The following ITGBL1 variants were observed in gnomAD, a reference collection of about 807,000 sequenced individuals.
ITGBL1 encodes integrin subunit beta like 1.
In ITGBL1, 51 loss-of-function variants were observed where a neutral mutation model predicts 68.5. The observed-to-expected ratio is 0.74, with a 90% confidence interval of 0.59 to 0.94. The LOEUF is 0.94. Among genes scored for constraint, ITGBL1 ranks in the 40% least tolerant of loss-of-function variants. ITGBL1 has a pLI of 0.00. For synonymous variants in ITGBL1, 209 were observed against 227.3 expected, an observed-to-expected ratio of 0.92 and a Z score of 0.72; for missense variants, 649 against 647.4, an observed-to-expected ratio of 1.00 and a Z score of -0.03.
chr13:101,564,081 T>G (rs943159140), intron 2 of ITGBL1, among the ~76,000 whole-genome samples: 2 of 151,980 alleles, frequency 1.3e-5, no homozygotes, highest in African/African-American at 4.8e-5. Flanking sequence ...CTTTTATCTA[T>G]AGATTCAATG....
At chr13:101,480,870 A>G (rs4772389) in intron 2 of ITGBL1, among the ~76,000 whole-genome samples, 29,482 of 151,776 alleles carry the variant, frequency 0.19, 3,441 homozygotes, top group East Asian at 0.43. Flanking sequence ...TCAAACAAGC[A>G]AAATTTTAAG....
intron 2 of ITGBL1, among the ~76,000 whole-genome samples, chr13:101,521,364 G>A (rs888826969): frequency 1.3e-5 from 2 of 152,132 alleles, no homozygotes; most frequent in Middle Eastern, 3.2e-3. Context: ...AAATAAAGTA[G>A]GTTAGATGGT....
chr13:101,611,299 A>G (rs1330095313), intron 7 of ITGBL1, among the ~76,000 whole-genome samples: 1 of 152,178 alleles, frequency 6.6e-6, no homozygotes, highest in Non-Finnish European at 1.5e-5. Context: ...ATTTAACTGA[A>G]TTTAGCGAGA....
intron 5 of ITGBL1, 26 bp downstream of exon 5, chr13:101,579,453 A>G (rs199893442): frequency 2.5e-6 from 4 of 1,605,814 alleles, no homozygotes; most frequent in Admixed American, 3.4e-5. Context: ...ATGTTACTAC[A>G]TAATGGGGAG....
intron 2 of ITGBL1, among the ~76,000 whole-genome samples, chr13:101,533,110 T>C (rs1314893167): frequency 1.3e-5 from 2 of 152,108 alleles, no homozygotes; most frequent in Non-Finnish European, 2.9e-5. Flanking sequence ...CATTAAAAGG[T>C]TTTATGGTCA....
intron 2 of ITGBL1, among the ~76,000 whole-genome samples, chr13:101,491,473 G>A (rs1277096396): frequency 1.3e-5 from 2 of 152,120 alleles, no homozygotes; most frequent in East Asian, 1.9e-4. Flanking sequence ...TCACATTACG[G>A]TAGAGAGCCC....
rs2030288333 is a variant in ITGBL1 at position 101,600,392 on chromosome 13, A to G, written c.1015+2093A>G. 4.6e-5 allele frequency among the ~76,000 whole-genome samples: 7 copies of G among 152,328 alleles called. No homozygotes were observed. In the South Asian group the frequency reaches 1.2e-3, roughly 27 times the overall value. On this transcript the variant is annotated intron_variant, in intron 7 of 10. Coordinates refer to ENST00000376180, the MANE Select transcript of ITGBL1 (RefSeq NM_004791.3). ...ATCATGTCATCTGCAAACAGGGACA[A>G]TTTGACTTCCTCTTTTCCTAATTGA...
chr13:101,676,247 C>T (rs1026994634), intron 7 of ITGBL1, among the ~76,000 whole-genome samples: 1 of 151,742 alleles, frequency 6.6e-6, no homozygotes, highest in African/African-American at 2.4e-5. Context: ...TGTGTTTAAA[C>T]ATTGTTTATC....
chr13:101,486,312 A>T (rs2048702209), intron 2 of ITGBL1, among the ~76,000 whole-genome samples: 2 of 152,170 alleles, frequency 1.3e-5, no homozygotes, highest in African/African-American at 4.8e-5. Flanking sequence ...CATAAGAATG[A>T]TATAATGGAC....
intron 2 of ITGBL1, among the ~76,000 whole-genome samples, chr13:101,457,481 A>G (rs1476215209): frequency 6.6e-6 from 1 of 152,198 alleles, no homozygotes; most frequent in Non-Finnish European, 1.5e-5. Context: ...GAAAGTGATT[A>G]GGTTCCCTCC....
At chr13:101,562,260 AAGC>A (rs2050112070) in intron 2 of ITGBL1, among the ~76,000 whole-genome samples, 1 of 118,492 alleles carries the variant, frequency 8.4e-6, no homozygotes, top group Non-Finnish European at 1.7e-5. Flanking sequence ...ACAAAACAGA[AAGC>A]AGAAAAAAGA....
At chr13:101,527,632 A>G (rs1330434188) in intron 2 of ITGBL1, among the ~76,000 whole-genome samples, 1 of 151,964 alleles carries the variant, frequency 6.6e-6, no homozygotes. Context: ...AATAATCCTC[A>G]ACAATGTCTG....
chr13:101,469,349 G>A (rs756276938), intron 2 of ITGBL1, among the ~76,000 whole-genome samples: 11 of 152,162 alleles, frequency 7.2e-5, no homozygotes, highest in Non-Finnish European at 1.5e-4. Context: ...TGGGATTCTG[G>A]ATATTGTGGT....
Position 101,631,424 on chromosome 13 carries a change from A to G in ITGBL1, c.1015+33125A>G, listed in dbSNP as rs111538282. Reference sequence around the variant, plus strand: ...AAAATGATTTGTAGATGTTAAGTCTATATCTCATAGTTCTTTAAATGAGGA... The same window carrying G: ...AAAATGATTTGTAGATGTTAAGTCTGTATCTCATAGTTCTTTAAATGAGGA... On this transcript the variant is annotated intron_variant, in intron 7 of 10. Transcript: ENST00000376180. Among the ~76,000 whole-genome samples, 108 of 152,106 alleles carry G rather than the reference A, an allele frequency of 7.1e-4. 1 individual carries two copies. Among genetic ancestry groups the G allele is most frequent in the African/African-American group, 2.4e-3 (100 of 41,496 alleles).
At position 101,572,168 on chromosome 13, in the gene ITGBL1, A is replaced by G. The variant is rs528197304; in HGVS notation, c.464-3256A>G. 2.0e-5 allele frequency among the ~76,000 whole-genome samples: 3 copies of G among 152,104 alleles called. No homozygotes were observed. In the East Asian group the frequency reaches 5.8e-4, roughly 29 times the overall value. On this transcript the variant is annotated intron_variant, in intron 3 of 10. Coordinates refer to ENST00000376180, the MANE Select transcript of ITGBL1 (RefSeq NM_004791.3). ...TGTCTTTCTTTTAATACCCACTTCCACCCTCCGAGTTCAGGACCATTTCCC... is the reference window on the plus strand; with the variant it reads ...TGTCTTTCTTTTAATACCCACTTCCGCCCTCCGAGTTCAGGACCATTTCCC...
rs1333154302 is a variant in ITGBL1 at position 101,575,424 on chromosome 13, G to A, written c.464G>A (p.Gly155Asp). Reference protein sequence around the residue: ...NSQDIICSNAGTCHCGRCKCD... With the variant: ...NSQDIICSNADTCHCGRCKCD... ...AGTCTTTTTTGTTTTCATGGTTTAG[G>A]TACATGTCACTGTGGCAGGTGTAAG... The change falls in exon 4 of 11, where the codon GGT becomes GAT. Residue 155 changes from glycine (G) to aspartate (D), a missense_variant and splice_region_variant. Gly to Asp is a moderately conservative substitution (Grantham distance 94). Transcript: ENST00000376180. 3 of 1,612,530 alleles carry A rather than the reference G, an allele frequency of 1.9e-6. No individual in the cohort carries two copies. Among genetic ancestry groups the A allele is most frequent in the African/African-American group, 2.7e-5 (2 of 74,920 alleles).
intron 2 of ITGBL1, among the ~76,000 whole-genome samples, chr13:101,476,020 T>C (rs9557662): frequency 0.14 from 21,510 of 152,140 alleles, 2,031 homozygotes; most frequent in East Asian, 0.43. Context: ...CAAAACTCTC[T>C]GGTAATAGTA....
At chr13:101,483,876 T>C (rs751968967) in intron 2 of ITGBL1, among the ~76,000 whole-genome samples, 24 of 152,130 alleles carry the variant, frequency 1.6e-4, no homozygotes, top group Non-Finnish European at 3.2e-4. Context: ...AATTAAAGTA[T>C]CAATTAGCTT....
At chr13:101,616,411 C>T (rs1001470240) in intron 7 of ITGBL1, among the ~76,000 whole-genome samples, 7 of 152,152 alleles carry the variant, frequency 4.6e-5, no homozygotes, top group Non-Finnish European at 1.0e-4. Flanking sequence ...TTTCATAAAA[C>T]TTTCCTTCTG....
Sources: allele counts gnomAD v4.1 joint callset (sites outside exome capture counted in the v4.1 genomes callset), GRCh38; gene constraint gnomAD v4.1.1; transcripts MANE v1.5; gene names NCBI Gene and HGNC (gene_info 2026-07-23, HGNC 2026-07-21).